NCOA7: variants seen among roughly 807,000 people sequenced by gnomAD.
NCOA7 encodes nuclear receptor coactivator 7, also known as 140 kDa estrogen receptor-associated protein.
Under a neutral mutation model 104.3 loss-of-function variants are expected in NCOA7, and 45 were observed. That is an observed-to-expected ratio of 0.43 (90% confidence interval 0.34 to 0.55). The LOEUF (loss-of-function observed/expected upper bound fraction) is 0.55. Ranked by LOEUF, NCOA7 falls within the 20% of genes least tolerant of loss-of-function variation. The pLI, the probability that NCOA7 is intolerant of heterozygous loss-of-function variation, is 0.02. For synonymous variants in NCOA7, 398 were observed against 402.3 expected, an observed-to-expected ratio of 0.99 and a Z score of 0.13; for missense variants, 1,041 against 1,119.7, an observed-to-expected ratio of 0.93 and a Z score of 1.00.
chr6:125,915,303 G>A (rs773265417), intron 10 of NCOA7, 30 bp from the exon 11 acceptor site: 3 of 1,611,870 alleles, frequency 1.9e-6, no homozygotes, highest in East Asian at 2.2e-5. Context: ...TGGACATGGT[G>A]TTAACATCTG....
intron 1 of NCOA7, among the ~76,000 whole-genome samples, chr6:125,814,018 C>G (rs924569760): frequency 2.0e-5 from 3 of 152,104 alleles, no homozygotes; most frequent in African/African-American, 7.2e-5. Flanking sequence ...GAGCAAATAT[C>G]ATGTCTTTAT....
intron 1 of NCOA7, among the ~76,000 whole-genome samples, chr6:125,803,543 A>G (rs531296364): frequency 2.0e-5 from 3 of 152,342 alleles, no homozygotes; most frequent in East Asian, 1.9e-4. Context: ...CTCCATGTAA[A>G]TATGCTGAAA....
chr6:125,855,827 G>A (rs1293419273), intron 3 of NCOA7, among the ~76,000 whole-genome samples: 1 of 152,006 alleles, frequency 6.6e-6, no homozygotes, highest in African/African-American at 2.4e-5. Context: ...GGGATTACAG[G>A]TGCCCACCAC....
At chr6:125,915,584 T>G in intron 11 of NCOA7, 104 bp downstream of exon 11, 1 of 1,381,290 alleles carries the variant, frequency 7.2e-7, no homozygotes, top group Non-Finnish European at 1.0e-6. Context: ...AGAGTCCCTG[T>G]GCACCTATGA....
rs9491523 is a variant in NCOA7 at position 125,878,252 on chromosome 6, G to T, written c.352-11G>T. 7.4e-4 allele frequency: 1,180 copies of T among 1,589,274 alleles called. 10 individuals carry two copies. The African/African-American group carries it at 0.014, about 19-fold the overall frequency. ...TTTATTTATTGACTCTTACCTGTTT[G>T]ATTATTCTAGGCTGGAAACCAGGAC... On this transcript the variant is annotated splice_polypyrimidine_tract_variant and intron_variant, in intron 4 of 15. Transcript: ENST00000392477.
intron 13 of NCOA7, among the ~76,000 whole-genome samples, chr6:125,926,985 C>T (rs938188670): frequency 1.3e-5 from 2 of 152,056 alleles, no homozygotes; most frequent in South Asian, 2.1e-4. Context: ...TTCCATCCCC[C>T]GATAAGAAAA....
intron 10 of NCOA7, among the ~76,000 whole-genome samples, chr6:125,902,326 A>G (rs897949921): frequency 6.6e-6 from 1 of 152,174 alleles, no homozygotes; most frequent in Non-Finnish European, 1.5e-5. Flanking sequence ...CCAAACACTG[A>G]TAGGGTGGGC....
chr6:125,915,301 G>T (rs769775470), intron 10 of NCOA7, 32 bp from the exon 11 acceptor site: 3 of 1,611,538 alleles, frequency 1.9e-6, no homozygotes, highest in African/African-American at 1.3e-5. Flanking sequence ...AGTGGACATG[G>T]TGTTAACATC....
At chr6:125,820,542 C>T (rs1778076857) in intron 2 of NCOA7, among the ~76,000 whole-genome samples, 1 of 152,188 alleles carries the variant, frequency 6.6e-6, no homozygotes, top group Non-Finnish European at 1.5e-5. Flanking sequence ...ATAGCTTTCT[C>T]TGTTGTGTGA....
intron 8 of NCOA7, among the ~76,000 whole-genome samples, chr6:125,888,520 A>T (rs1442125467): frequency 1.4e-5 from 2 of 141,290 alleles, no homozygotes; most frequent in Non-Finnish European, 3.1e-5. Context: ...ACTATTTGAT[A>T]AAAAGGAAAA....
chr6:125,819,261 A>G (rs1777921951), intron 2 of NCOA7, among the ~76,000 whole-genome samples: 1 of 152,134 alleles, frequency 6.6e-6, no homozygotes, highest in South Asian at 2.1e-4. Context: ...TAACATCAAA[A>G]TAGAGTTTAA....
At chr6:125,910,979 G>A (rs1054826029) in intron 10 of NCOA7, among the ~76,000 whole-genome samples, 3 of 152,178 alleles carry the variant, frequency 2.0e-5, no homozygotes, top group African/African-American at 7.2e-5. Flanking sequence ...ACACCAGGTC[G>A]TGGGGGTGAC....
chr6:125,787,498 A>G (rs1394824793), upstream of NCOA7, among the ~76,000 whole-genome samples: 1 of 152,214 alleles, frequency 6.6e-6, no homozygotes, highest in East Asian at 1.9e-4. Flanking sequence ...GGCGGAGTGA[A>G]GTGATCCCTC....
chr6:125,890,846 G>C (rs778046247), intron 10 of NCOA7, 36 bp downstream of exon 10: 4 of 1,455,184 alleles, frequency 2.7e-6, no homozygotes, highest in Admixed American at 2.5e-5. Flanking sequence ...CTGTGGGTCT[G>C]TTAGGTTTGG....
rs907134390 is a variant in NCOA7, at chr6:125,837,865, A to G, written c.51-17155A>G. 2.6e-5 allele frequency among the ~76,000 whole-genome samples: 4 copies of G among 152,228 alleles called. No individual in the cohort carries two copies. In the South Asian group the frequency reaches 6.2e-4, roughly 24 times the overall value. On this transcript the variant is annotated intron_variant, in intron 2 of 15. Transcript: ENST00000392477. ...CAGACCAGGGAACATATAAATTGGC[A>G]TGAAAAATGGGACAGTAAATTGCAT...
chr6:125,893,800 T>C (rs1292347653), intron 10 of NCOA7, among the ~76,000 whole-genome samples: 1 of 152,230 alleles, frequency 6.6e-6, no homozygotes, highest in Non-Finnish European at 1.5e-5. Flanking sequence ...AGTTGTCAGA[T>C]CTAAGACCTC....
intron 3 of NCOA7, 111 bp from the exon 4 acceptor site, chr6:125,874,778 T>C: frequency 1.4e-6 from 1 of 717,056 alleles, no homozygotes; most frequent in South Asian, 1.7e-5. Flanking sequence ...ATTTTCCTAT[T>C]AGTGTCTTTT....
intron 2 of NCOA7, among the ~76,000 whole-genome samples, chr6:125,853,712 T>C (rs1456690804): frequency 6.6e-6 from 1 of 152,224 alleles, no homozygotes; most frequent in South Asian, 2.1e-4. Context: ...GATATTTTAC[T>C]ATTTCTGTTT....
intron 15 of NCOA7, 22 bp from the exon 16 acceptor site, chr6:125,928,614 T>C (rs1238357080): frequency 6.3e-7 from 1 of 1,584,838 alleles, no homozygotes. Context: ...TTTACCTTTT[T>C]TTTTTTTTTT....
Sources: gnomAD v4.1 joint callset for allele counts (sites outside exome capture counted in the v4.1 genomes callset) on GRCh38, gnomAD v4.1.1 for gene constraint, MANE v1.5 for transcripts, NCBI Gene and HGNC (gene_info 2026-07-23, HGNC 2026-07-21) for gene names.